Variants in TANC2 observed in about 807,000 individuals in gnomAD.
TANC2 encodes the protein protein TANC2.
Under a neutral mutation model 210.5 loss-of-function variants are expected in TANC2, and 26 were observed. The ratio of observed to expected loss-of-function variants is 0.12; its 90% confidence interval spans 0.09 to 0.17. TANC2 has a LOEUF of 0.17. Among genes scored for constraint, TANC2 ranks in the 10% least tolerant of loss-of-function variants. The pLI is 1.00. For missense variants in TANC2, 2,129 were observed against 2,608.9 expected (o/e 0.82, Z 4.01); for synonymous variants, 931 against 967.1 (o/e 0.96, Z 0.69).
intron 7 of TANC2, among the ~76,000 whole-genome samples, chr17:63,211,403 T>C (rs1016954970): frequency 5.9e-5 from 9 of 152,088 alleles, no homozygotes; most frequent in African/African-American, 2.2e-4. Context: ...CTAGCGGCAA[T>C]AGTTTTTTTT....
intron 2 of TANC2, among the ~76,000 whole-genome samples, chr17:63,045,764 G>A (rs2035353678): frequency 6.6e-6 from 1 of 151,852 alleles, no homozygotes. Context: ...TCTTTTCTGG[G>A]TTCTTTTATT....
intron 7 of TANC2, among the ~76,000 whole-genome samples, chr17:63,219,513 C>T (rs533875416): frequency 1.3e-5 from 2 of 152,206 alleles, no homozygotes; most frequent in Non-Finnish European, 2.9e-5. Context: ...CAGGTTCAAA[C>T]AGTTCTCCTG....
At chr17:63,235,520 C>A (rs545467693) in intron 7 of TANC2, among the ~76,000 whole-genome samples, 4 of 152,206 alleles carry the variant, frequency 2.6e-5, no homozygotes, top group African/African-American at 9.6e-5. Context: ...TCCCACTTCT[C>A]TACCTTTTTC....
intron 2 of TANC2, among the ~76,000 whole-genome samples, chr17:63,020,867 T>C (rs2034317447): frequency 1.3e-5 from 2 of 152,144 alleles, no homozygotes; most frequent in East Asian, 3.9e-4. Context: ...GCTTTTACTC[T>C]TAGGGGAAGG....
intron 1 of TANC2, among the ~76,000 whole-genome samples, chr17:62,976,160 G>T (rs2031990513): frequency 6.6e-6 from 1 of 151,576 alleles, no homozygotes; most frequent in Non-Finnish European, 1.5e-5. Flanking sequence ...CATTTTTTTT[G>T]GACTATTTCT....
intron 4 of TANC2, among the ~76,000 whole-genome samples, chr17:63,127,916 G>A (rs1200241608): frequency 6.6e-6 from 1 of 152,132 alleles, no homozygotes; most frequent in East Asian, 1.9e-4. Flanking sequence ...ACTGACTGTT[G>A]TCAGGACAAG....
intron 14 of TANC2, among the ~76,000 whole-genome samples, chr17:63,367,561 T>A (rs989482388): frequency 6.6e-6 from 1 of 152,170 alleles, no homozygotes; most frequent in African/African-American, 2.4e-5. Context: ...AGTGCCATAG[T>A]ACAAAGTATT....
rs773684889 is a variant in TANC2 at position 63,421,768 on chromosome 17, G to T, written c.6038G>T (p.Gly2013Val). The T allele has an allele frequency of 4.3e-6, 7 of 1,613,998 alleles. No homozygotes were observed. In the South Asian group the frequency reaches 7.7e-5, roughly 18 times the overall value. Residue 2013 changes from glycine to valine, a missense_variant, in exon 28 of 28, where the codon GGG (glycine) becomes GTG (valine). By Grantham distance (109) the Gly-to-Val change is moderately radical (BLOSUM62 -3). Around this residue, in one of 5 missense-constraint regions of TANC2, gnomAD observed 161 missense variants for 178.6 expected, o/e 0.90. Transcript: ENST00000689528. This position sits in a 1 kb window ranked among gnomAD's most constrained non-coding sequence, Gnocchi z 6.9. ...AGCCCCCATGGGATGCTGGCTAACGGGTCTCGTGGAGACCTCTTGGAGCGA... is the reference window on the plus strand; with the variant it reads ...AGCCCCCATGGGATGCTGGCTAACGTGTCTCGTGGAGACCTCTTGGAGCGA...
chr17:63,198,740 A>T (rs1287278997), intron 6 of TANC2, among the ~76,000 whole-genome samples: 1 of 152,016 alleles, frequency 6.6e-6, no homozygotes, highest in African/African-American at 2.4e-5. Flanking sequence ...CTGTGTGCCT[A>T]GTTAGGAATA....
At chr17:63,353,488 G>A (rs555257333) in intron 13 of TANC2, among the ~76,000 whole-genome samples, 3 of 152,238 alleles carry the variant, frequency 2.0e-5, no homozygotes, top group Admixed American at 1.3e-4. Flanking sequence ...ATATCCAAAT[G>A]TAAATGTTGA....
chr17:63,351,753 C>T (rs75735744), intron 13 of TANC2, among the ~76,000 whole-genome samples: 2,123 of 152,162 alleles, frequency 0.014, 24 homozygotes, highest in Non-Finnish European at 0.02. Context: ...ATTTTTTGAT[C>T]ATTTAATGCT....
At chr17:63,173,589 C>T (rs1191168873) in intron 5 of TANC2, among the ~76,000 whole-genome samples, 2 of 152,128 alleles carry the variant, frequency 1.3e-5, no homozygotes, top group African/African-American at 4.8e-5. Flanking sequence ...TATCTGAAGC[C>T]TTTCCTTTTT....
rs5821385 is a variant in TANC2, at chr17:63,307,772, T to TGTTGTTG, written c.1160-6616_1160-6615insGTTGTTG. On this transcript the variant is annotated intron_variant, in intron 9 of 27. Coordinates refer to ENST00000689528, the Ensembl canonical transcript of TANC2. ...TTGTTGTTGCTGTTGTTGTTGTTGTTTTGTTGTTTTTGAGACAGAGTCTCG... is the reference window on the plus strand; with the variant it reads ...TTGTTGTTGCTGTTGTTGTTGTTGTTGTTGTTGTTGTTGTTTTTGAGACAGAGTCTCG... Among the ~76,000 whole-genome samples, 919 of 151,134 alleles carry TGTTGTTG rather than the reference T, an allele frequency of 6.1e-3. 6 individuals carry two copies. Among genetic ancestry groups the TGTTGTTG allele is most frequent in the African/African-American group, 0.018 (715 of 40,844 alleles).
chr17:62,976,070 TTGATAAAAGC>T (rs2031986219), intron 1 of TANC2, among the ~76,000 whole-genome samples: 2 of 152,164 alleles, frequency 1.3e-5, no homozygotes, highest in South Asian at 4.1e-4. Context: ...TGTGAAGTAT[TTGATAAAAGC>T]TGAGAGAAAG....
chr17:63,353,556 G>A (rs1405283684), intron 13 of TANC2, among the ~76,000 whole-genome samples: 1 of 152,030 alleles, frequency 6.6e-6, no homozygotes, highest in Non-Finnish European at 1.5e-5. Flanking sequence ...CATAAAGTTA[G>A]GCATGAGCCA....
At chr17:63,042,398 T>C (rs1286675127) in intron 2 of TANC2, among the ~76,000 whole-genome samples, 4 of 152,228 alleles carry the variant, frequency 2.6e-5, no homozygotes. Flanking sequence ...TTCTAAATTA[T>C]CCAATATGCT....
rs1463168984 is a variant in TANC2 at position 63,389,674 on chromosome 17, A to G, written c.3051+130A>G. 8 of 914,628 alleles carry G rather than the reference A, an allele frequency of 8.7e-6. No homozygotes were observed. The Middle Eastern group carries it at 6.6e-4, about 75-fold the overall frequency. 56.7% of individuals were successfully genotyped at this position (914,628 alleles called of 1,614,324 possible). ...CAAACCATGATGGAGAGGAGATCAG[A>G]GAGAGTGCTGGTTCTGCATATGTGC... On this transcript the variant is annotated intron_variant, in intron 17 of 27. Transcript: ENST00000689528.
chr17:62,998,249 C>G (rs2033207638), intron 1 of TANC2, among the ~76,000 whole-genome samples: 1 of 152,156 alleles, frequency 6.6e-6, no homozygotes, highest in African/African-American at 2.4e-5. Flanking sequence ...AACAGAATCT[C>G]TGAGAAATAT....
At chr17:63,091,720 TTAAAG>T (rs2037201838) in intron 3 of TANC2, among the ~76,000 whole-genome samples, 1 of 152,192 alleles carries the variant, frequency 6.6e-6, no homozygotes, top group South Asian at 2.1e-4. Context: ...CATATGAACT[TTAAAG>T]TAGTTTTTTC....
Sources: allele counts gnomAD v4.1 joint callset (sites outside exome capture counted in the v4.1 genomes callset), GRCh38; gene constraint gnomAD v4.1.1; regional missense constraint gnomAD v4.1.1; non-coding constraint Gnocchi (gnomAD v3.1); transcripts MANE v1.5; gene names NCBI Gene and HGNC (gene_info 2026-07-23, HGNC 2026-07-21).